Variants in DMD observed in about 807,000 individuals in gnomAD.
DMD encodes the protein mutant dystrophin.
DMD carries 63 observed loss-of-function variants against 330.1 expected under a neutral mutation model. That is an observed-to-expected ratio of 0.19 (90% CI 0.16 to 0.24). The LOEUF (loss-of-function observed/expected upper bound fraction) is 0.24. Ranked by LOEUF, DMD falls within the 10% of genes least tolerant of loss-of-function variation. The pLI, the probability that DMD is intolerant of heterozygous loss-of-function variation, is 1.00. For synonymous variants in DMD, 1,223 were observed against 959.8 expected (o/e 1.27, Z -5.07); for missense variants, 3,344 against 2,684.1 (o/e 1.25, Z -5.43).
chrX:32,167,930 T>C (rs1375157849), intron 44 of DMD, among the ~76,000 whole-genome samples: 2 of 112,584 alleles, frequency 1.8e-5, no homozygotes, highest in Admixed American at 9.4e-5. Context: ...GTTGGAATTT[T>C]AGGGTCAATA....
chrX:31,918,800 G>A (rs1160719446), intron 47 of DMD, among the ~76,000 whole-genome samples: 1 of 110,299 alleles, frequency 9.1e-6, no homozygotes, highest in East Asian at 2.9e-4. Flanking sequence ...ACCACGCCCA[G>A]CTAATTTTTG....
At chrX:32,613,743 AAT>A (rs1294388337) in intron 12 of DMD, among the ~76,000 whole-genome samples, 7 of 111,257 alleles carry the variant, frequency 6.3e-5, no homozygotes, top group African/African-American at 2.3e-4. Context: ...CTCATCCACA[AAT>A]ATGTTTGATT....
intron 47 of DMD, among the ~76,000 whole-genome samples, chrX:31,898,092 C>T (rs1448686452): frequency 3.6e-5 from 4 of 109,868 alleles, no homozygotes; most frequent in Non-Finnish European, 7.6e-5. Flanking sequence ...AGGAGAACTA[C>T]AAACCACTGC....
chrX:33,081,822 G>C (rs904228209), intron 1 of DMD, among the ~76,000 whole-genome samples: 8 of 111,642 alleles, frequency 7.2e-5, no homozygotes, highest in Non-Finnish European at 1.1e-4. Context: ...ACACACTAAA[G>C]CTCCCTCATA....
Position 32,882,052 on chromosome X carries a change from T to C in DMD, c.94-32232A>G, listed in dbSNP as rs1297880468. On this transcript the variant is annotated intron_variant, in intron 2 of 78. Transcript: ENST00000357033. ...TTAGTAACAAGCTATTCAATTTAGC[T>C]TGTGTTTTGTTTTTCAAAAGCTTAG... Among the ~76,000 whole-genome samples the C allele has an allele frequency of 2.7e-5, 3 of 111,940 alleles. No homozygotes were observed. In the Admixed American group the frequency reaches 2.8e-4, roughly 11 times the overall value.
intron 52 of DMD, among the ~76,000 whole-genome samples, chrX:31,688,215 C>T (rs1306034134): frequency 9.0e-6 from 1 of 110,963 alleles, no homozygotes; most frequent in Non-Finnish European, 1.9e-5. Context: ...AATTGATAGA[C>T]CGCTAGTAAG....
intron 63 of DMD, among the ~76,000 whole-genome samples, chrX:31,250,440 G>A (rs780130187): frequency 5.4e-5 from 6 of 111,446 alleles, no homozygotes; most frequent in Non-Finnish European, 5.7e-5. Flanking sequence ...ACATTAAACC[G>A]CATAAATAAC....
intron 43 of DMD, among the ~76,000 whole-genome samples, chrX:32,278,998 CAAAAGATTCGAA>C: frequency 9.0e-6 from 1 of 111,674 alleles, no homozygotes; most frequent in African/African-American, 3.2e-5. Flanking sequence ...AGAAAATAGA[CAAAAGATTCGAA>C]TAGGCATTTC....
At chrX:32,740,156 A>C (rs1397612644) in intron 7 of DMD, among the ~76,000 whole-genome samples, 1 of 109,393 alleles carries the variant, frequency 9.1e-6, no homozygotes. Flanking sequence ...TGCGTTCTTA[A>C]AGTTTATATT....
chrX:31,617,858 T>C (rs1329967409), intron 55 of DMD, among the ~76,000 whole-genome samples: 2 of 111,544 alleles, frequency 1.8e-5, no homozygotes, highest in African/African-American at 3.3e-5. Flanking sequence ...ATATAGAAAA[T>C]GTGGTACATA....
At chrX:32,239,921 TTTAAAAAGTTTTC>T (rs1203131867) in intron 43 of DMD, among the ~76,000 whole-genome samples, 3 of 112,231 alleles carry the variant, frequency 2.7e-5, no homozygotes, top group Non-Finnish European at 5.6e-5. Context: ...TATAGCTATC[TTTAAAAAGTTTTC>T]TTAAGGTCTA....
intron 44 of DMD, among the ~76,000 whole-genome samples, chrX:32,112,342 T>C (rs963536798): frequency 5.4e-5 from 6 of 111,736 alleles, no homozygotes; most frequent in Non-Finnish European, 3.8e-5. Flanking sequence ...TTCTAATGAA[T>C]TCCCAGATGG....
chrX:32,593,919 T>C (rs1161749704), intron 13 of DMD, among the ~76,000 whole-genome samples: 2 of 112,469 alleles, frequency 1.8e-5, no homozygotes, highest in Non-Finnish European at 3.8e-5. Flanking sequence ...TGCAGTAACA[T>C]TGCTGAGGGA....
intron 41 of DMD, among the ~76,000 whole-genome samples, chrX:32,316,962 T>C (rs981140824): frequency 6.3e-5 from 7 of 111,399 alleles, no homozygotes; most frequent in South Asian, 7.4e-4. Flanking sequence ...TCATGTTCAT[T>C]TTCTCTTCTT....
intron 1 of DMD, among the ~76,000 whole-genome samples, chrX:33,296,042 C>G (rs755549063): frequency 1.8e-5 from 2 of 111,526 alleles, no homozygotes; most frequent in Non-Finnish European, 3.8e-5. Context: ...ATGTAACTAT[C>G]ATTTCTTCAT....
intron 17 of DMD, among the ~76,000 whole-genome samples, 180 bp downstream of exon 17, chrX:32,544,979 G>A (rs892578705): frequency 2.7e-5 from 3 of 111,294 alleles, no homozygotes; most frequent in African/African-American, 9.8e-5. Context: ...TTTCTGTTGC[G>A]ATAGTGATTT....
At chrX:32,506,997 G>T (rs951386395) in intron 18 of DMD, among the ~76,000 whole-genome samples, 3 of 111,422 alleles carry the variant, frequency 2.7e-5, no homozygotes, top group Non-Finnish European at 5.7e-5. Flanking sequence ...TCTGTCCTTA[G>T]CAGCTTATGG....
chrX:32,858,461 C>A, intron 2 of DMD, among the ~76,000 whole-genome samples: 1 of 111,692 alleles, frequency 9.0e-6, no homozygotes. Context: ...TCCCAAGTAG[C>A]TGGGACTACA....
rs146082656 is a variant in DMD at position 32,525,539 on chromosome X, C to A, written c.2169-7408G>T. 7.1e-3 allele frequency among the ~76,000 whole-genome samples: 790 copies of A among 111,782 alleles called. 10 individuals carry two copies. The highest frequency in any genetic ancestry group is 0.025 in the African/African-American group (766 of 30,774). ...GTCTCCTTCCCGGATCCTACTCAGA[C>A]CCTGGCTTCCAAGAAGCAATTGCAC... On this transcript the variant is annotated intron_variant, in intron 17 of 78. Coordinates refer to ENST00000357033, the MANE Select transcript of DMD (RefSeq NM_004006.3).
Sources: allele counts gnomAD v4.1 joint callset (sites outside exome capture counted in the v4.1 genomes callset), GRCh38; gene constraint gnomAD v4.1.1; transcripts MANE v1.5; gene names NCBI Gene and HGNC (gene_info 2026-07-23, HGNC 2026-07-21).